KAZN: variants seen among roughly 807,000 people sequenced by gnomAD.
KAZN encodes the protein kazrin, periplakin interacting protein.
In KAZN, 40 loss-of-function variants were observed where a neutral mutation model predicts 87.4. The observed-to-expected ratio is 0.46, with a 90% CI of 0.36 to 0.60. KAZN has a LOEUF of 0.60. KAZN is among the 20% of genes least tolerant of loss of function. The pLI is 0.00. For synonymous variants in KAZN, 466 were observed against 458.3 expected (o/e 1.02, Z -0.22); for missense variants, 898 against 1,073.9 (o/e 0.84, Z 2.29).
chr1:15,071,708 C>G (rs1639515433), intron 8 of KAZN, among the ~76,000 whole-genome samples: 1 of 152,172 alleles, frequency 6.6e-6, no homozygotes, highest in South Asian at 2.1e-4. Context: ...AGAATAGCAG[C>G]AAGGGGAAAT....
At chr1:14,846,079 A>G (rs1330073463) in intron 1 of KAZN, among the ~76,000 whole-genome samples, 1 of 152,206 alleles carries the variant, frequency 6.6e-6, no homozygotes, top group African/African-American at 2.4e-5. Context: ...CCAAGACAGC[A>G]GCTGGGCCTT....
In KAZN at chr1:14,884,300, G is replaced by T. The variant is rs563494833; in HGVS notation, c.227-76384G>T. 8.1e-4 allele frequency among the ~76,000 whole-genome samples: 124 copies of T among 152,236 alleles called. 1 individual carries two copies. The highest frequency in any genetic ancestry group is 6.8e-3 in the Middle Eastern group (2 of 294). On this transcript the variant is annotated intron_variant, in intron 1 of 14. Transcript: ENST00000376030. ...CCAGCTACTCGGGAGGCTGAGGCAG[G>T]AGAATCGCTTGAACCCGGGAGGCAG...
chr1:15,002,354 C>G (rs1290575176), intron 2 of KAZN, among the ~76,000 whole-genome samples: 5 of 152,216 alleles, frequency 3.3e-5, no homozygotes, highest in Non-Finnish European at 7.3e-5. Flanking sequence ...CCTGCTGACG[C>G]TGTTGACTCC....
chr1:13,990,754 T>C (rs1639240531), intron 1 of KAZN, among the ~76,000 whole-genome samples: 1 of 152,196 alleles, frequency 6.6e-6, no homozygotes, highest in Non-Finnish European at 1.5e-5. Flanking sequence ...TGTACTGATG[T>C]TTGCAGCTTT....
chr1:15,103,619 G>C (rs968455746), intron 12 of KAZN, among the ~76,000 whole-genome samples, 159 bp downstream of exon 12: 1 of 148,848 alleles, frequency 6.7e-6, no homozygotes, highest in Non-Finnish European at 1.5e-5. Flanking sequence ...CTTTGTGTGG[G>C]CTGGAGCATC....
intron 1 of KAZN, among the ~76,000 whole-genome samples, chr1:14,719,825 T>C (rs1379334038): frequency 2.0e-5 from 3 of 151,140 alleles, no homozygotes; most frequent in Admixed American, 1.3e-4. Context: ...GGCAAAAGAG[T>C]GAGACTCTGT....
chr1:14,100,360 C>T (rs1198578806), intron 1 of KAZN, among the ~76,000 whole-genome samples: 2 of 152,168 alleles, frequency 1.3e-5, no homozygotes, highest in Non-Finnish European at 2.9e-5. Context: ...AGGACCACCC[C>T]CAAGTGCAGT....
chr1:15,073,776 A>C (rs933653752), intron 8 of KAZN, among the ~76,000 whole-genome samples: 1 of 152,194 alleles, frequency 6.6e-6, no homozygotes, highest in Admixed American at 6.5e-5. Context: ...CCTGTGTCTG[A>C]CTGAGACTTC....
At chr1:14,857,441 C>A (rs1254805005) in intron 1 of KAZN, among the ~76,000 whole-genome samples, 3 of 152,110 alleles carry the variant, frequency 2.0e-5, no homozygotes, top group Admixed American at 2.0e-4. Flanking sequence ...ACTCCTGAGG[C>A]TGGACTGCTT....
chr1:13,968,157 G>T (rs1272326815), intron 1 of KAZN, among the ~76,000 whole-genome samples: 1 of 152,198 alleles, frequency 6.6e-6, no homozygotes, highest in African/African-American at 2.4e-5. Context: ...GGTCCTGCAG[G>T]TGTGCAGCTC....
intron 1 of KAZN, among the ~76,000 whole-genome samples, chr1:14,604,031 C>T (rs974478770): frequency 6.6e-6 from 1 of 152,270 alleles, no homozygotes; most frequent in Admixed American, 6.5e-5. Flanking sequence ...TCTTTCCATA[C>T]CTTAATGGTT....
intron 2 of KAZN, among the ~76,000 whole-genome samples, chr1:14,254,715 A>T (rs928000892): frequency 1.4e-5 from 2 of 144,918 alleles, no homozygotes; most frequent in African/African-American, 5.4e-5. Flanking sequence ...AATTTATTTA[A>T]AAAAAAAAAG....
At chr1:15,049,391 A>G (rs905498626) in intron 4 of KAZN, among the ~76,000 whole-genome samples, 2 of 152,200 alleles carry the variant, frequency 1.3e-5, no homozygotes, top group Non-Finnish European at 2.9e-5. Context: ...TTGGGGCCAC[A>G]TAACAGTGGT....
intron 3 of KAZN, among the ~76,000 whole-genome samples, chr1:15,036,968 C>T (rs1447367059): frequency 6.6e-6 from 1 of 152,174 alleles, no homozygotes; most frequent in Non-Finnish European, 1.5e-5. Flanking sequence ...GATGGCAGGG[C>T]AGGGGCTTAC....
intron 5 of KAZN, among the ~76,000 whole-genome samples, chr1:15,058,080 T>G (rs1250406240): frequency 6.6e-6 from 1 of 152,232 alleles, no homozygotes; most frequent in East Asian, 1.9e-4. Flanking sequence ...TATGCTCCTG[T>G]AAAGTTGGGT....
intron 1 of KAZN, among the ~76,000 whole-genome samples, chr1:14,700,250 G>A (rs1323975933): frequency 6.6e-6 from 1 of 152,138 alleles, no homozygotes; most frequent in African/African-American, 2.4e-5. Flanking sequence ...TGCTGTAACT[G>A]ATCACGAGGT....
intron 1 of KAZN, among the ~76,000 whole-genome samples, chr1:14,890,039 AAG>A (rs1336349050): frequency 6.6e-6 from 1 of 152,146 alleles, no homozygotes; most frequent in Non-Finnish European, 1.5e-5. Context: ...AGAACACAGG[AAG>A]AGTTAGGGAG....
intron 1 of KAZN, among the ~76,000 whole-genome samples, chr1:14,745,450 T>C (rs1644238496): frequency 6.6e-6 from 1 of 152,088 alleles, no homozygotes; most frequent in South Asian, 2.1e-4. Flanking sequence ...ATTAGCACCG[T>C]GAGAATGGGG....
In KAZN at chr1:15,021,023, G is replaced by A. The variant is rs967999639; in HGVS notation, c.419-13726G>A. Among the ~76,000 whole-genome samples, 3 of 152,140 alleles carry A rather than the reference G, an allele frequency of 2.0e-5. No homozygotes were observed. The highest frequency in any genetic ancestry group is 6.5e-5 in the Admixed American group (1 of 15,268). ...AACAACCCTGCTGTGTCTCTGTTAC[G>A]CAGCAGGGGTGAGACCAGTCCATAT... On this transcript the variant is annotated intron_variant, in intron 2 of 14. Coordinates refer to ENST00000376030, the MANE Select transcript of KAZN (RefSeq NM_201628.3). This position sits in a 1 kb window ranked among gnomAD's most constrained non-coding sequence, Gnocchi z 4.2.
Sources: allele counts gnomAD v4.1 joint callset (sites outside exome capture counted in the v4.1 genomes callset), GRCh38; gene constraint gnomAD v4.1.1; non-coding constraint Gnocchi (gnomAD v3.1); transcripts MANE v1.5; gene names NCBI Gene and HGNC (gene_info 2026-07-23, HGNC 2026-07-21).